The following MIPOL1 variants were observed in gnomAD, a reference collection of about 807,000 sequenced individuals.
The protein encoded by MIPOL1 is mirror-image polydactyly gene 1 protein.
MIPOL1 carries 57 observed loss-of-function variants against 60.9 expected under a neutral mutation model. That is an observed-to-expected ratio of 0.94 (90% CI 0.76 to 1.17). The LOEUF (loss-of-function observed/expected upper bound fraction) is 1.17. Among genes scored for constraint, MIPOL1 ranks in the 50% most tolerant of loss-of-function variants. The probability of loss-of-function intolerance (pLI) is 0.00; values close to 1 mark genes in which losing one functional copy is unlikely to be tolerated. For synonymous variants in MIPOL1, 179 were observed against 168.8 expected (o/e 1.06, Z -0.47); for missense variants, 551 against 511.6 (o/e 1.08, Z -0.74).
chr14:37,465,592 C>G (rs915623373), intron 11 of MIPOL1, among the ~76,000 whole-genome samples: 6 of 151,918 alleles, frequency 3.9e-5, no homozygotes, highest in Middle Eastern at 3.4e-3. Context: ...CAATTTTAAC[C>G]CTTTTGATAT....
intron 7 of MIPOL1, among the ~76,000 whole-genome samples, chr14:37,286,150 T>C (rs1740563593): frequency 6.6e-6 from 1 of 152,244 alleles, no homozygotes; most frequent in Admixed American, 6.5e-5. Context: ...TGTTCTTTAC[T>C]GCTTTTTACT....
chr14:37,392,655 T>G (rs2093276735), intron 10 of MIPOL1, among the ~76,000 whole-genome samples: 2 of 152,150 alleles, frequency 1.3e-5, no homozygotes, highest in Admixed American at 6.6e-5. Context: ...TTAGCTGTGG[T>G]TTTTTTGTAA....
At chr14:37,442,499 T>A (rs2153567335) in intron 11 of MIPOL1, among the ~76,000 whole-genome samples, 1 of 152,210 alleles carries the variant, frequency 6.6e-6, no homozygotes, top group Non-Finnish European at 1.5e-5. Flanking sequence ...TGATGTTGGC[T>A]GGGGTTTGTC....
chr14:37,213,572 C>A (rs1967075936), intron 1 of MIPOL1, among the ~76,000 whole-genome samples: 1 of 151,960 alleles, frequency 6.6e-6, no homozygotes, highest in South Asian at 2.1e-4. Flanking sequence ...CCTACAGGAT[C>A]CAGAAAATAG....
chr14:37,441,489 C>T (rs1057170290), intron 11 of MIPOL1, among the ~76,000 whole-genome samples: 1 of 151,952 alleles, frequency 6.6e-6, no homozygotes, highest in Admixed American at 6.6e-5. Flanking sequence ...TTAAAAAGGG[C>T]GTCTCTTCTC....
rs149359882 is a variant in MIPOL1 at position 37,226,133 on chromosome 14, C to G, written c.-198-20970C>G. Among the ~76,000 whole-genome samples the G allele has an allele frequency of 5.0e-3, 757 of 152,294 alleles. 5 individuals are homozygous for G. Among genetic ancestry groups the G allele is most frequent in the African/African-American group, 0.017 (714 of 41,568 alleles). On this transcript the variant is annotated intron_variant, in intron 1 of 12. Transcript: ENST00000684589. ...CCATTCAACAAGTCTCTAGGAAGCT[C>G]AAAACTTTCCCACATTTTCCTGTCT...
At chr14:37,456,007 G>A (rs2094473078) in intron 11 of MIPOL1, among the ~76,000 whole-genome samples, 2 of 151,966 alleles carry the variant, frequency 1.3e-5, no homozygotes, top group African/African-American at 2.4e-5. Context: ...ATTCAATTGT[G>A]TTTCAATAAA....
intron 11 of MIPOL1, among the ~76,000 whole-genome samples, chr14:37,451,858 A>G (rs1468343723): frequency 8.2e-6 from 1 of 121,390 alleles, no homozygotes; most frequent in East Asian, 2.3e-4. Context: ...TCTGTGGCCC[A>G]GGTGGAAGTG....
At chr14:37,432,571 A>G (rs1046879922) in intron 11 of MIPOL1, among the ~76,000 whole-genome samples, 10 of 152,318 alleles carry the variant, frequency 6.6e-5, no homozygotes, top group Admixed American at 5.9e-4. Flanking sequence ...TGGTGTCTCC[A>G]TATAATAAAG....
At chr14:37,464,884 TTG>T (rs1201640090) in intron 11 of MIPOL1, among the ~76,000 whole-genome samples, 1 of 152,218 alleles carries the variant, frequency 6.6e-6, no homozygotes, top group Non-Finnish European at 1.5e-5. Context: ...TAACAAATTT[TTG>T]TTTTTTTATT....
intron 1 of MIPOL1, among the ~76,000 whole-genome samples, chr14:37,223,612 C>T (rs1969205055): frequency 6.6e-6 from 1 of 152,040 alleles, no homozygotes; most frequent in South Asian, 2.1e-4. Context: ...AAGCGATTTT[C>T]CTGCCTCAGC....
chr14:37,388,749 A>G (rs74045631), intron 10 of MIPOL1, among the ~76,000 whole-genome samples: 8,520 of 151,096 alleles, frequency 0.056, 825 homozygotes, highest in African/African-American at 0.2. Flanking sequence ...TATAATACCT[A>G]CTCTTTTGTG....
chr14:37,356,203 C>G (rs2091805579), intron 9 of MIPOL1, among the ~76,000 whole-genome samples: 1 of 151,882 alleles, frequency 6.6e-6, no homozygotes, highest in African/African-American at 2.4e-5. Flanking sequence ...GGGTGTGCCT[C>G]CCAGTTAGGC....
At chr14:37,279,323 T>C (rs1179510428) in intron 6 of MIPOL1, among the ~76,000 whole-genome samples, 1 of 151,172 alleles carries the variant, frequency 6.6e-6, no homozygotes. Context: ...GTATTTGCTT[T>C]ATTCATTCCA....
chr14:37,439,561 C>G (rs1484319969), intron 11 of MIPOL1, among the ~76,000 whole-genome samples: 1 of 152,088 alleles, frequency 6.6e-6, no homozygotes, highest in African/African-American at 2.4e-5. Flanking sequence ...AGCCTAAATA[C>G]ATTTTTGAAA....
intron 12 of MIPOL1, among the ~76,000 whole-genome samples, chr14:37,519,943 C>T (rs2095400734): frequency 6.6e-6 from 1 of 152,070 alleles, no homozygotes; most frequent in African/African-American, 2.4e-5. Flanking sequence ...GAACCTTCAC[C>T]ACTTTTATCA....
chr14:37,278,046 C>G (rs1349519707), intron 6 of MIPOL1: 1 of 151,366 alleles, frequency 6.6e-6, no homozygotes, highest in African/African-American at 2.4e-5. Context: ...TGAGTTTGTA[C>G]TACTGTTTAA....
chr14:37,367,894 G>T (rs1190644914), intron 9 of MIPOL1, among the ~76,000 whole-genome samples: 1 of 151,996 alleles, frequency 6.6e-6, no homozygotes, highest in East Asian at 1.9e-4. Flanking sequence ...AACACACACT[G>T]TGATTTGATT....
chr14:37,453,388 C>T (rs2153576631), intron 11 of MIPOL1, among the ~76,000 whole-genome samples: 1 of 151,960 alleles, frequency 6.6e-6, no homozygotes, highest in African/African-American at 2.4e-5. Context: ...TATATTTATA[C>T]TCATTGTATT....
Sources: allele counts gnomAD v4.1 joint callset (sites outside exome capture counted in the v4.1 genomes callset), GRCh38; gene constraint gnomAD v4.1.1; transcripts MANE v1.5; gene names NCBI Gene and HGNC (gene_info 2026-07-23, HGNC 2026-07-21).